Variants in GARIN5A observed in about 807,000 individuals in gnomAD.
The protein encoded by GARIN5A is Golgi-associated RAB2 interactor protein 5A.
the GARIN5A span, chr19:50,475,485 G>C: frequency 1.9e-6 from 3 of 1,580,680 alleles, no homozygotes; most frequent in South Asian, 2.2e-5. Flanking sequence ...GTCGGGGCAG[G>C]ATAGATGTCG....
At chr19:50,475,921 C>T in the GARIN5A span, 1 of 1,613,596 alleles carries the variant, frequency 6.2e-7, no homozygotes, top group Non-Finnish European at 8.5e-7. Flanking sequence ...TCTGGGACGG[C>T]CCGTGGGAGA....
At chr19:50,472,068 G>GTATATATACGTGTGTATA in the GARIN5A span, among the ~76,000 whole-genome samples, 2 of 97,346 alleles carry the variant, frequency 2.1e-5, no homozygotes, top group African/African-American at 1.5e-4. Flanking sequence ...GTGTGTATAT[G>GTATATATACGTGTGTATA]TGTATATATA....
At chr19:50,469,666 G>A in the GARIN5A span, among the ~76,000 whole-genome samples, 1 of 152,192 alleles carries the variant, frequency 6.6e-6, no homozygotes, top group African/African-American at 2.4e-5. Flanking sequence ...AGGAAAGAGT[G>A]AGGATCTTGG....
chr19:50,474,237 T>C, the GARIN5A span, among the ~76,000 whole-genome samples: 7 of 151,680 alleles, frequency 4.6e-5, no homozygotes, highest in Non-Finnish European at 1.0e-4. Flanking sequence ...TGGAGTGCAG[T>C]GGGATGATCT....
the GARIN5A span, among the ~76,000 whole-genome samples, chr19:50,472,191 T>TGTGCATGTATATAC: frequency 1.4e-5 from 2 of 145,886 alleles, no homozygotes; most frequent in African/African-American, 5.4e-5. Context: ...TGTATACATG[T>TGTGCATGTATATAC]ATGTGTGCAT....
the GARIN5A span, chr19:50,476,651 C>G: frequency 5.5e-4 from 838 of 1,528,610 alleles, 7 homozygotes; most frequent in African/African-American, 0.01. Context: ...GGGACTGGTG[C>G]GCGAGGGGTG....
At chr19:50,472,567 T>A in the GARIN5A span, among the ~76,000 whole-genome samples, 1 of 152,002 alleles carries the variant, frequency 6.6e-6, no homozygotes, top group Non-Finnish European at 1.5e-5. Flanking sequence ...ATTCAGTGAG[T>A]GATGAGATCA....
At chr19:50,476,847 C>T in the GARIN5A span, 2 of 492,732 alleles carry the variant, frequency 4.1e-6, no homozygotes, top group South Asian at 6.3e-5. Context: ...GTTGCAAGGA[C>T]TGGGTGGGAG....
the GARIN5A span, chr19:50,476,288 G>T: frequency 5.0e-6 from 8 of 1,603,948 alleles, no homozygotes; most frequent in South Asian, 1.1e-5. Context: ...GTCATGATGC[G>T]GAGCGGGCTT....
the GARIN5A span, among the ~76,000 whole-genome samples, chr19:50,471,579 G>A: frequency 8.2e-4 from 124 of 152,078 alleles, 2 homozygotes; most frequent in African/African-American, 2.9e-3. Context: ...CTCTACTGCT[G>A]TTTTTAAAGA....
At chr19:50,472,595 A>G in the GARIN5A span, among the ~76,000 whole-genome samples, 3 of 152,118 alleles carry the variant, frequency 2.0e-5, no homozygotes, top group Non-Finnish European at 2.9e-5. Flanking sequence ...AAATACAGTT[A>G]GCATTTAAAA....
the GARIN5A span, among the ~76,000 whole-genome samples, chr19:50,469,793 C>A: frequency 6.6e-6 from 1 of 152,116 alleles, no homozygotes; most frequent in African/African-American, 2.4e-5. Flanking sequence ...TCACAGACAC[C>A]CTCACACCTG....
At chr19:50,476,048 A>C in the GARIN5A span, 1 of 1,606,016 alleles carries the variant, frequency 6.2e-7, no homozygotes, top group South Asian at 1.1e-5. Flanking sequence ...ACGGGGTATC[A>C]GATGCCCCCG....
At chr19:50,476,521 C>T in the GARIN5A span, 2 of 1,569,420 alleles carry the variant, frequency 1.3e-6, no homozygotes, top group Admixed American at 1.8e-5. Context: ...ACAGCCGTCC[C>T]TTCGCTGGTG....
the GARIN5A span, among the ~76,000 whole-genome samples, chr19:50,467,325 G>A: frequency 6.6e-6 from 1 of 151,990 alleles, no homozygotes; most frequent in Non-Finnish European, 1.5e-5. Context: ...TGGAGAGACT[G>A]CTGGCTTCTA....
the GARIN5A span, chr19:50,476,051 T>C: frequency 5.0e-6 from 8 of 1,606,862 alleles, no homozygotes; most frequent in Non-Finnish European, 6.8e-6. Context: ...GGGTATCAGA[T>C]GCCCCCGAAT....
chr19:50,467,503 GAC>G, the GARIN5A span: 1 of 1,223,190 alleles, frequency 8.2e-7, no homozygotes, highest in African/African-American at 1.5e-5. Flanking sequence ...GGAGTCCTCA[GAC>G]ACCTCCCCTC....
At chr19:50,472,154 ATATG>A in the GARIN5A span, among the ~76,000 whole-genome samples, 179 of 150,912 alleles carry the variant, frequency 1.2e-3, no homozygotes, top group South Asian at 1.7e-3. Context: ...ATACGTGTGT[ATATG>A]TATGTATACG....
At chr19:50,467,633 G>A in the GARIN5A span, 1 of 1,563,190 alleles carries the variant, frequency 6.4e-7, no homozygotes, top group Non-Finnish European at 8.7e-7. Context: ...TCTTACTCCT[G>A]CGTGAAGGGC....
Sources: allele counts gnomAD v4.1 joint callset (sites outside exome capture counted in the v4.1 genomes callset), GRCh38; gene constraint gnomAD v4.1.1; transcripts MANE v1.5; gene names NCBI Gene and HGNC (gene_info 2026-07-23, HGNC 2026-07-21).